Variants in GPC5 observed in about 807,000 individuals in gnomAD.
GPC5 encodes the protein glypican-5.
A neutral mutation model predicts 53.9 loss-of-function variants in GPC5; 47 were observed. The observed-to-expected ratio is 0.87, with a 90% CI of 0.69 to 1.11. The LOEUF (loss-of-function observed/expected upper bound fraction) is 1.11. Among genes scored for constraint, GPC5 ranks in the 50% most tolerant of loss-of-function variants. The probability of loss-of-function intolerance (pLI) is 0.00; values close to 1 mark genes in which losing one functional copy is unlikely to be tolerated. For missense variants in GPC5, 748 were observed against 713.1 expected (o/e 1.05, Z -0.56); for synonymous variants, 286 against 263.3 (o/e 1.09, Z -0.84).
intron 2 of GPC5, among the ~76,000 whole-genome samples, chr13:91,503,811 A>AATAATAATC (rs1884790678): frequency 7.0e-6 from 1 of 143,764 alleles, no homozygotes; most frequent in Non-Finnish European, 1.5e-5. Flanking sequence ...TAATAATAAT[A>AATAATAATC]ATAATAATCA....
At chr13:92,777,284 C>T (rs1036558445) in intron 7 of GPC5, among the ~76,000 whole-genome samples, 2 of 142,492 alleles carry the variant, frequency 1.4e-5, no homozygotes, top group African/African-American at 2.6e-5. Flanking sequence ...TGCAGTGAGC[C>T]GAGATTGTGC....
intron 2 of GPC5, among the ~76,000 whole-genome samples, chr13:91,508,076 A>G (rs1420406023): frequency 6.6e-6 from 1 of 152,134 alleles, no homozygotes; most frequent in East Asian, 1.9e-4. Context: ...CTTTCTTCTT[A>G]TTTTTAGATT....
At chr13:91,742,000 GA>G (rs201831140) in intron 4 of GPC5, among the ~76,000 whole-genome samples, 5 of 151,912 alleles carry the variant, frequency 3.3e-5, no homozygotes, top group Admixed American at 2.6e-4. Context: ...TGTTTTCAAT[GA>G]AAAAAAATCT....
intron 7 of GPC5, among the ~76,000 whole-genome samples, chr13:92,771,087 G>A (rs1875595567): frequency 6.6e-6 from 1 of 152,140 alleles, no homozygotes; most frequent in African/African-American, 2.4e-5. Context: ...TGCCGAGTGG[G>A]TGGGGGCTGG....
chr13:92,155,058 C>T (rs1249497273), intron 7 of GPC5, among the ~76,000 whole-genome samples: 1 of 152,086 alleles, frequency 6.6e-6, no homozygotes, highest in African/African-American at 2.4e-5. Context: ...CCACTTAGCT[C>T]TTATTTATTG....
At chr13:91,498,239 A>ATTTTTTTTT (rs60732957) in intron 2 of GPC5, among the ~76,000 whole-genome samples, 3 of 110,232 alleles carry the variant, frequency 2.7e-5, no homozygotes, top group African/African-American at 6.9e-5. Context: ...CTACCCAAAG[A>ATTTTTTTTT]TTTTTTTTTT....
At chr13:92,713,792 A>G (rs533747901) in intron 7 of GPC5, among the ~76,000 whole-genome samples, 1 of 152,192 alleles carries the variant, frequency 6.6e-6, no homozygotes, top group East Asian at 1.9e-4. Context: ...AATGTCTAAA[A>G]CAAGAAAAAG....
intron 2 of GPC5, among the ~76,000 whole-genome samples, chr13:91,567,422 T>G (rs1306619172): frequency 6.6e-6 from 1 of 152,200 alleles, no homozygotes; most frequent in Non-Finnish European, 1.5e-5. Flanking sequence ...AAAGGGGGAT[T>G]AACACAGAGG....
chr13:91,533,681 G>A (rs988448208), intron 2 of GPC5, among the ~76,000 whole-genome samples: 12 of 152,168 alleles, frequency 7.9e-5, no homozygotes, highest in African/African-American at 2.7e-4. Context: ...ACAGGCCACC[G>A]AAAGGAAGCA....
intron 7 of GPC5, among the ~76,000 whole-genome samples, chr13:92,280,187 C>A (rs1323116827): frequency 6.6e-6 from 1 of 152,008 alleles, no homozygotes; most frequent in Admixed American, 6.5e-5. Flanking sequence ...TAATTATTCT[C>A]TTGCAATTCT....
At chr13:91,683,311 G>C (rs955193711) in intron 2 of GPC5, among the ~76,000 whole-genome samples, 3 of 152,158 alleles carry the variant, frequency 2.0e-5, no homozygotes, top group African/African-American at 7.2e-5. Context: ...GTGCAGCCCA[G>C]ACCACACCTT....
At chr13:92,659,592 AT>A (rs1886269513) in intron 7 of GPC5, among the ~76,000 whole-genome samples, 1 of 152,184 alleles carries the variant, frequency 6.6e-6, no homozygotes, top group Non-Finnish European at 1.5e-5. Flanking sequence ...ATATTCATCC[AT>A]TAATTTAACA....
At chr13:92,325,807 T>G (rs932263195) in intron 7 of GPC5, among the ~76,000 whole-genome samples, 2 of 151,878 alleles carry the variant, frequency 1.3e-5, no homozygotes, top group Non-Finnish European at 2.9e-5. Flanking sequence ...CAATAAGGAG[T>G]GACAGAAAGA....
chr13:91,616,777 C>T (rs1302597537), intron 2 of GPC5, among the ~76,000 whole-genome samples: 2 of 151,998 alleles, frequency 1.3e-5, no homozygotes, highest in Non-Finnish European at 2.9e-5. Context: ...AAATTTAGAA[C>T]ATTAGTATTA....
chr13:92,195,826 C>T (rs1321459454), intron 7 of GPC5, among the ~76,000 whole-genome samples: 1 of 152,010 alleles, frequency 6.6e-6, no homozygotes, highest in East Asian at 1.9e-4. Flanking sequence ...TTAACTTTAT[C>T]CCGGGTTTTC....
intron 7 of GPC5, among the ~76,000 whole-genome samples, chr13:92,372,371 G>A (rs914904982): frequency 2.0e-4 from 30 of 151,996 alleles, no homozygotes; most frequent in African/African-American, 6.3e-4. Flanking sequence ...TGTGAAAATC[G>A]ATAGATTGTT....
chr13:91,604,421 A>C, intron 2 of GPC5, among the ~76,000 whole-genome samples: 1 of 151,920 alleles, frequency 6.6e-6, no homozygotes, highest in Admixed American at 6.6e-5. Flanking sequence ...ATATGGGTGC[A>C]TGTGTCTTTA....
intron 7 of GPC5, among the ~76,000 whole-genome samples, chr13:92,548,234 C>T (rs775198728): frequency 2.0e-5 from 3 of 151,664 alleles, no homozygotes; most frequent in Non-Finnish European, 2.9e-5. Flanking sequence ...AGATAAAAAG[C>T]GTGGTTGGTT....
At chr13:92,513,721 T>A (rs1594264826) in intron 7 of GPC5, among the ~76,000 whole-genome samples, 3 of 152,242 alleles carry the variant, frequency 2.0e-5, no homozygotes, top group African/African-American at 7.2e-5. Flanking sequence ...TGCATATGCA[T>A]AAAGAGATAT....
Sources: allele counts gnomAD v4.1 joint callset (sites outside exome capture counted in the v4.1 genomes callset), GRCh38; gene constraint gnomAD v4.1.1; transcripts MANE v1.5; gene names NCBI Gene and HGNC (gene_info 2026-07-23, HGNC 2026-07-21).